ZNF521: variants seen among roughly 807,000 people sequenced by gnomAD.
ZNF521 encodes the protein zinc finger protein 521, also known as LYST-interacting protein 3.
Under a neutral mutation model 105.5 loss-of-function variants are expected in ZNF521, and 14 were observed. The observed-to-expected ratio is 0.13, with a 90% confidence interval of 0.09 to 0.21. ZNF521 has a LOEUF of 0.21. Among genes scored for constraint, ZNF521 ranks in the 10% least tolerant of loss-of-function variants. The pLI is 1.00. For missense variants in ZNF521, 1,233 were observed against 1,629.7 expected (o/e 0.76, Z 4.19); for synonymous variants, 635 against 606.0 (o/e 1.05, Z -0.70).
Position 25,308,649 on chromosome 18 carries a change from T to TC in ZNF521, c.220+13358dup, listed in dbSNP as rs796428241. ...ATGTGCCAAGTTGGCCTTAATGACA[T>TC]CCCCCCCCCCCCACCCGCCACAGCC... On this transcript the variant is annotated intron_variant, in intron 3 of 7. Transcript: ENST00000361524. 8.8e-3 allele frequency among the ~76,000 whole-genome samples: 328 copies of TC among 37,172 alleles called. 1 individual carries two copies. The highest frequency in any genetic ancestry group is 0.022 in the South Asian group (23 of 1,042). 24.4% of individuals were successfully genotyped at this position (37,172 alleles called of 152,430 possible).
intron 5 of ZNF521, among the ~76,000 whole-genome samples, chr18:25,138,011 TTAAG>T (rs564717707): frequency 1.6e-4 from 25 of 152,298 alleles, no homozygotes; most frequent in African/African-American, 6.0e-4. Flanking sequence ...CAGGTCTTTC[TTAAG>T]TAAGGACTTC....
At chr18:25,238,682 T>A (rs1907096603) in intron 3 of ZNF521, among the ~76,000 whole-genome samples, 1 of 152,168 alleles carries the variant, frequency 6.6e-6, no homozygotes, top group Non-Finnish European at 1.5e-5. Context: ...CCTTCTTCAA[T>A]TATCATTCCA....
intron 2 of ZNF521, among the ~76,000 whole-genome samples, chr18:25,349,486 G>C (rs564081404): frequency 9.2e-5 from 14 of 152,312 alleles, no homozygotes; most frequent in African/African-American, 2.9e-4. Context: ...AAAAGCAAGC[G>C]TTCCAATCTG....
At chr18:25,324,008 A>C (rs1424309678) in intron 2 of ZNF521, among the ~76,000 whole-genome samples, 1 of 152,152 alleles carries the variant, frequency 6.6e-6, no homozygotes, top group African/African-American at 2.4e-5. Context: ...CTGTTTAAGT[A>C]CATTGGTAAT....
intron 7 of ZNF521, among the ~76,000 whole-genome samples, chr18:25,078,051 T>C (rs983460326): frequency 3.3e-5 from 5 of 152,168 alleles, no homozygotes; most frequent in African/African-American, 1.2e-4. Flanking sequence ...AATGGTGGTT[T>C]AAAGCTCACT....
intron 3 of ZNF521, among the ~76,000 whole-genome samples, chr18:25,239,839 T>G (rs1449130054): frequency 1.3e-5 from 2 of 152,156 alleles, no homozygotes; most frequent in East Asian, 3.9e-4. Context: ...TTCATTTACA[T>G]CCTGTTTAAG....
At chr18:25,181,062 C>G (rs541234702) in intron 5 of ZNF521, among the ~76,000 whole-genome samples, 2 of 152,262 alleles carry the variant, frequency 1.3e-5, no homozygotes, top group African/African-American at 4.8e-5. Flanking sequence ...ACCCTATCCC[C>G]CAAAGGCCTC....
intron 3 of ZNF521, among the ~76,000 whole-genome samples, chr18:25,288,607 A>G (rs1347795742): frequency 1.3e-5 from 2 of 151,996 alleles, no homozygotes. Flanking sequence ...AAAAAAAAAA[A>G]AAAAGAAATC....
chr18:25,288,851 T>A (rs1014752151), intron 3 of ZNF521, among the ~76,000 whole-genome samples: 4 of 152,228 alleles, frequency 2.6e-5, no homozygotes, highest in African/African-American at 9.6e-5. Context: ...CAGTTGTACA[T>A]AAGTTAAGAA....
chr18:25,201,491 A>G (rs1020978215), intron 4 of ZNF521: 1 of 152,160 alleles, frequency 6.6e-6, no homozygotes, highest in Non-Finnish European at 1.5e-5. Context: ...TGGTTTCTGG[A>G]TCTCAAAGAC....
chr18:25,337,437 T>C (rs146447589), intron 2 of ZNF521, among the ~76,000 whole-genome samples: 235 of 152,322 alleles, frequency 1.5e-3, no homozygotes, highest in Middle Eastern at 6.8e-3. Flanking sequence ...TAATATGAGC[T>C]GCTCTTTCAA....
chr18:25,162,165 C>T (rs1471730018), intron 5 of ZNF521, among the ~76,000 whole-genome samples: 1 of 152,094 alleles, frequency 6.6e-6, no homozygotes, highest in African/African-American at 2.4e-5. Context: ...GTGTTCCAAC[C>T]TGAAATCAAA....
intron 7 of ZNF521, among the ~76,000 whole-genome samples, chr18:25,064,434 G>A (rs1447874366): frequency 2.0e-5 from 3 of 152,216 alleles, no homozygotes; most frequent in South Asian, 4.1e-4. Flanking sequence ...TGCAAGGTAC[G>A]TTTGCAGACC....
intron 5 of ZNF521, among the ~76,000 whole-genome samples, chr18:25,099,145 C>A (rs1043235535): frequency 6.6e-6 from 1 of 152,082 alleles, no homozygotes; most frequent in Non-Finnish European, 1.5e-5. Flanking sequence ...ACACGAAGTA[C>A]CTAGAACAGT....
At chr18:25,275,780 G>A (rs922562958) in intron 3 of ZNF521, among the ~76,000 whole-genome samples, 2 of 152,280 alleles carry the variant, frequency 1.3e-5, no homozygotes, top group Non-Finnish European at 1.5e-5. Context: ...CCTACGCCAC[G>A]GAGACAGGAA....
intron 5 of ZNF521, among the ~76,000 whole-genome samples, chr18:25,150,891 CTTTTTT>C (rs559303954): frequency 3.8e-5 from 5 of 132,200 alleles, no homozygotes; most frequent in Non-Finnish European, 8.0e-5. Flanking sequence ...TTTCTTTTTT[CTTTTTT>C]TTTTTTTTTG....
chr18:25,339,303 T>C lies in ZNF521; in HGVS notation c.40+11604A>G, dbSNP rs529578349. Among the ~76,000 whole-genome samples, 24 of 152,344 alleles carry C rather than the reference T, an allele frequency of 1.6e-4. No homozygotes were observed. In the East Asian group the frequency reaches 4.2e-3, roughly 27 times the overall value. ...TCCCTAGAACCTGACACATACTTGG[T>C]GCTCAATAAAAAATCCTTTAGAATG... is the stretch of plus-strand genomic sequence containing the variant. On this transcript the variant is annotated intron_variant, in intron 2 of 7. Coordinates refer to ENST00000361524, the MANE Select transcript of ZNF521 (RefSeq NM_015461.3).
chr18:25,264,399 A>G (rs934223208), intron 3 of ZNF521, among the ~76,000 whole-genome samples: 1 of 152,236 alleles, frequency 6.6e-6, no homozygotes, highest in African/African-American at 2.4e-5. Flanking sequence ...AATTTCTTAT[A>G]CAGCACTATT....
At chr18:25,259,472 G>T (rs563858061) in intron 3 of ZNF521, among the ~76,000 whole-genome samples, 11 of 152,206 alleles carry the variant, frequency 7.2e-5, no homozygotes, top group Admixed American at 2.0e-4. Flanking sequence ...TATCTAGCTG[G>T]GGATCAGATT....
Sources: gnomAD v4.1 joint callset for allele counts (sites outside exome capture counted in the v4.1 genomes callset) on GRCh38, gnomAD v4.1.1 for gene constraint, MANE v1.5 for transcripts, NCBI Gene and HGNC (gene_info 2026-07-23, HGNC 2026-07-21) for gene names.